Variants in GEMIN2 observed in about 807,000 individuals in gnomAD.
GEMIN2 encodes the protein gem-associated protein 2.
Under a neutral mutation model 45.8 loss-of-function variants are expected in GEMIN2, and 37 were observed. The ratio of observed to expected loss-of-function variants is 0.81; its 90% CI spans 0.62 to 1.06. GEMIN2 has a LOEUF of 1.06. Ranked by LOEUF, GEMIN2 falls within the 50% of genes least tolerant of loss-of-function variation. GEMIN2 has a pLI of 0.00. For missense variants in GEMIN2, 335 were observed against 321.8 expected (o/e 1.04, Z -0.31); for synonymous variants, 101 against 111.5 (o/e 0.91, Z 0.60).
At chr14:39,125,949 G>A (rs970223827) in intron 6 of GEMIN2, among the ~76,000 whole-genome samples, 3 of 151,870 alleles carry the variant, frequency 2.0e-5, no homozygotes, top group Admixed American at 6.6e-5. Context: ...GAACCTGGGA[G>A]GCAGAGGTTG....
In GEMIN2 at chr14:39,128,478, T is replaced by C. The variant is rs1205954801; in HGVS notation, c.600+130T>C. The C allele has an allele frequency of 1.9e-5, 8 of 418,466 alleles. No individual in the cohort carries two copies. In the African/African-American group the frequency reaches 2.2e-4, roughly 11 times the overall value. The allele number at this position is 418,466 out of a possible 1,614,324, so 25.9% of individuals were successfully genotyped here. ...TATTTTTACTGCACATTTTCTTTTT[T>C]TCTTTTCTTTTTTTTTTTTTTTTTT... On this transcript the variant is annotated intron_variant, in intron 7 of 9. Coordinates refer to ENST00000308317, the MANE Select transcript of GEMIN2 (RefSeq NM_003616.3).
intron 4 of GEMIN2, 151 bp from the exon 5 acceptor site, chr14:39,122,279 C>T: frequency 1.7e-6 from 1 of 593,782 alleles, no homozygotes; most frequent in Non-Finnish European, 3.0e-6. Context: ...TTTTAACATA[C>T]AAATTTGGGG....
chr14:39,128,067 C>CAAAAAAAAAAAAAAAAAAAAAAAAAAA lies in GEMIN2; in HGVS notation c.532-187_532-186insAAAAAAAAAAAAAAAAAAAAAAAAAAA, dbSNP rs1212260025. On this transcript the variant is annotated intron_variant, in intron 6 of 9. Coordinates refer to ENST00000308317, the MANE Select transcript of GEMIN2 (RefSeq NM_003616.3). ...TGGGCAACAGAGTGAGACTCTATCT[C>CAAAAAAAAAAAAAAAAAAAAAAAAAAA]AAAAAAAAAAAAAAAAAAAAAAAAA... 1.4e-3 allele frequency among the ~76,000 whole-genome samples: 15 copies of CAAAAAAAAAAAAAAAAAAAAAAAAAAA among 10,552 alleles called. 7 individuals are homozygous for CAAAAAAAAAAAAAAAAAAAAAAAAAAA. Among genetic ancestry groups the CAAAAAAAAAAAAAAAAAAAAAAAAAAA allele is most frequent in the Admixed American group, 2.1e-3 (2 of 958 alleles). The allele number at this position is 10,552 out of a possible 152,430, so 6.9% of individuals were successfully genotyped here.
At chr14:39,125,759 T>C (rs8012200) in intron 6 of GEMIN2, among the ~76,000 whole-genome samples, 11,510 of 152,140 alleles carry the variant, frequency 0.076, 1,463 homozygotes, top group African/African-American at 0.26. Context: ...CGGTGGCTTA[T>C]GCCTGTAATC....
In GEMIN2 at chr14:39,114,875, C is replaced by A; in HGVS notation, c.184C>A (p.Pro62Thr). The A allele has an allele frequency of 6.3e-7, 1 of 1,582,022 alleles. No homozygotes were observed. Among genetic ancestry groups the A allele is most frequent in the East Asian group, 2.2e-5 (1 of 44,704 alleles). Residue 62 changes from proline (P) to threonine (T), a missense_variant, in exon 2 of 10, where the codon CCA becomes ACA. By Grantham distance (38) the Pro-to-Thr change is conservative. Transcript: ENST00000308317. ...CPDVVVAQID[P>T]KKLKRKQSVN... ...AGATGTTGTGGTAGCTCAAATTGAC[C>A]CAAAGAAGTTGAAAAGGAAGCAAAG...
At chr14:39,136,023 CCA>C (rs1280965894) in intron 9 of GEMIN2, among the ~76,000 whole-genome samples, 1 of 151,964 alleles carries the variant, frequency 6.6e-6, no homozygotes, top group African/African-American at 2.4e-5. Context: ...GAGTTCAAGA[CCA>C]GTCTGGGAAA....
At chr14:39,121,374 A>C (rs2052570493) in intron 4 of GEMIN2, among the ~76,000 whole-genome samples, 1 of 152,202 alleles carries the variant, frequency 6.6e-6, no homozygotes. Flanking sequence ...CTCTACAAAA[A>C]AAATTTAAAA....
intron 8 of GEMIN2, among the ~76,000 whole-genome samples, chr14:39,132,975 G>GGTGTGT (rs67749459): frequency 5.7e-4 from 80 of 140,280 alleles, no homozygotes; most frequent in African/African-American, 1.9e-3. Context: ...TACTGCACCT[G>GGTGTGT]GTGTGTGTGT....
chr14:39,128,810 T>G (rs770909763), intron 7 of GEMIN2, among the ~76,000 whole-genome samples: 2 of 152,110 alleles, frequency 1.3e-5, no homozygotes, highest in Non-Finnish European at 2.9e-5. Context: ...CGGCCTTTTG[T>G]GTTTTTTAAA....
intron 8 of GEMIN2, among the ~76,000 whole-genome samples, chr14:39,132,975 GGTGTGTGT>G (rs67749459): frequency 7.1e-6 from 1 of 140,254 alleles, no homozygotes; most frequent in Admixed American, 7.3e-5. Context: ...TACTGCACCT[GGTGTGTGT>G]GTGTGTGTGT....
chr14:39,122,422 T>TC lies in GEMIN2; in HGVS notation c.373-7dup, dbSNP rs397807993. The TC allele has an allele frequency of 1.7e-5, 25 of 1,441,336 alleles. No individual in the cohort carries two copies. The South Asian group carries it at 3.0e-4, about 17-fold the overall frequency. The allele number at this position is 1,441,336 out of a possible 1,614,324, so 89.3% of individuals were successfully genotyped here. A position where few individuals can be genotyped will look rare whatever the true frequency, so the allele number is the denominator to read the frequency against. ...AGGAATAAATCAGTTTTTTTTTTTTTCTTTTAGCCAAAATCTGAAGATGAA... is the reference window on the plus strand; with the variant it reads ...AGGAATAAATCAGTTTTTTTTTTTTTCCTTTTAGCCAAAATCTGAAGATGAA... On this transcript the variant is annotated splice_polypyrimidine_tract_variant and splice_region_variant and intron_variant, in intron 4 of 9. Coordinates refer to ENST00000308317, the MANE Select transcript of GEMIN2 (RefSeq NM_003616.3).
intron 4 of GEMIN2, chr14:39,122,156 A>G (rs2052580931): frequency 3.0e-6 from 1 of 329,676 alleles, no homozygotes; most frequent in Non-Finnish European, 5.5e-6. Context: ...TCTTATAAGG[A>G]CACTAGTAAG....
intron 9 of GEMIN2, among the ~76,000 whole-genome samples, chr14:39,135,394 TGGCCAACA>T (rs1295703369): frequency 6.6e-6 from 1 of 152,050 alleles, no homozygotes; most frequent in Non-Finnish European, 1.5e-5. Flanking sequence ...AAGACTAGCC[TGGCCAACA>T]TGGTGAAACC....
chr14:39,128,172 C>G, intron 6 of GEMIN2, 108 bp from the exon 7 acceptor site: 1 of 663,226 alleles, frequency 1.5e-6, no homozygotes, highest in Middle Eastern at 2.6e-4. Flanking sequence ...AAGAATGAGG[C>G]CATTTTTAAC....
chr14:39,117,957 G>C (rs1355969048), intron 2 of GEMIN2, 42 bp from the exon 3 acceptor site: 1 of 985,600 alleles, frequency 1.0e-6, no homozygotes, highest in East Asian at 2.5e-5. Context: ...TTCTAGTTTT[G>C]ACACTAATGT....
chr14:39,114,842 C>A lies in GEMIN2; in HGVS notation c.151C>A (p.Gln51Lys). 1.3e-6 allele frequency: 2 copies of A among 1,546,834 alleles called. No individual in the cohort carries two copies. The highest frequency in any genetic ancestry group is 1.8e-6 in the Non-Finnish European group (2 of 1,118,752). The change falls in exon 2 of 10, where the codon CAA (glutamine) becomes AAA (lysine). Residue 51 changes from glutamine to lysine, a missense_variant. Coordinates refer to ENST00000308317, the MANE Select transcript of GEMIN2 (RefSeq NM_003616.3). ...YLRRVQIEAAQCPDVVVAQID... is the reference protein window; with the variant it reads ...YLRRVQIEAAKCPDVVVAQID... ...ACTTATTTGTAGGATCGAAGCAGCT[C>A]AATGTCCAGATGTTGTGGTAGCTCA...
At chr14:39,132,321 A>G (rs2052727447) in intron 8 of GEMIN2, among the ~76,000 whole-genome samples, 1 of 152,134 alleles carries the variant, frequency 6.6e-6, no homozygotes, top group African/African-American at 2.4e-5. Flanking sequence ...ACCTGAGGTC[A>G]GGAGTTTGAG....
intron 8 of GEMIN2, 68 bp from the exon 9 acceptor site, chr14:39,133,593 T>G: frequency 1.2e-6 from 1 of 840,488 alleles, no homozygotes; most frequent in Non-Finnish European, 1.8e-6. Flanking sequence ...TTTTACATCT[T>G]AATAGAAAAT....
rs1566528146 is a variant in GEMIN2, at chr14:39,114,823, T to A, written c.138-6T>A. The A allele has an allele frequency of 6.8e-7, 1 of 1,478,652 alleles. No homozygotes were observed. Among genetic ancestry groups the A allele is most frequent in the Non-Finnish European group, 9.5e-7 (1 of 1,057,152 alleles). 91.6% of individuals were successfully genotyped at this position (1,478,652 alleles called of 1,614,324 possible). A position where few individuals can be genotyped will look rare whatever the true frequency, so the allele number is the denominator to read the frequency against. Reference sequence around the variant, plus strand: ...TTAATTTATCGCGTTTATTACTTATTTGTAGGATCGAAGCAGCTCAATGTC... The same window carrying A: ...TTAATTTATCGCGTTTATTACTTATATGTAGGATCGAAGCAGCTCAATGTC... On this transcript the variant is annotated splice_polypyrimidine_tract_variant and splice_region_variant and intron_variant, in intron 1 of 9. Transcript: ENST00000308317.
Sources: gnomAD v4.1 joint callset for allele counts (sites outside exome capture counted in the v4.1 genomes callset) on GRCh38, gnomAD v4.1.1 for gene constraint, MANE v1.5 for transcripts, NCBI Gene and HGNC (gene_info 2026-07-23, HGNC 2026-07-21) for gene names.